GPC5: variants seen among roughly 807,000 people sequenced by gnomAD.
GPC5 encodes the protein glypican-5.
A neutral mutation model predicts 53.9 loss-of-function variants in GPC5; 47 were observed. The ratio of observed to expected loss-of-function variants is 0.87; its 90% confidence interval spans 0.69 to 1.11. The LOEUF is 1.11. Among genes scored for constraint, GPC5 ranks in the 50% most tolerant of loss-of-function variants. The pLI is 0.00. For synonymous variants in GPC5, 286 were observed against 263.3 expected (o/e 1.09, Z -0.84); for missense variants, 748 against 713.1 (o/e 1.05, Z -0.56).
At chr13:92,190,526 T>C (rs1325440062) in intron 7 of GPC5, among the ~76,000 whole-genome samples, 2 of 152,152 alleles carry the variant, frequency 1.3e-5, no homozygotes, top group African/African-American at 4.8e-5. Context: ...TATATATGCA[T>C]ATGTATGCTT....
intron 2 of GPC5, among the ~76,000 whole-genome samples, chr13:91,533,628 A>C (rs1886453519): frequency 6.6e-6 from 1 of 152,210 alleles, no homozygotes; most frequent in Admixed American, 6.5e-5. Flanking sequence ...GAACTTACAG[A>C]GGAGTCTGGG....
intron 6 of GPC5, among the ~76,000 whole-genome samples, chr13:92,079,641 G>A (rs2138878419): frequency 6.6e-6 from 1 of 152,282 alleles, no homozygotes; most frequent in Middle Eastern, 3.4e-3. Context: ...TGCACCTGTG[G>A]TGTTCTGGCT....
At chr13:91,861,177 T>C (rs2039023773) in intron 5 of GPC5, among the ~76,000 whole-genome samples, 1 of 152,198 alleles carries the variant, frequency 6.6e-6, no homozygotes, top group Non-Finnish European at 1.5e-5. Context: ...AAGAAAACAA[T>C]GTAAATTTAG....
chr13:91,452,259 T>C (rs554289127), intron 2 of GPC5, among the ~76,000 whole-genome samples: 1 of 151,990 alleles, frequency 6.6e-6, no homozygotes, highest in East Asian at 2.0e-4. Flanking sequence ...GCTGGGATTA[T>C]AGGCATAAGC....
intron 5 of GPC5, among the ~76,000 whole-genome samples, chr13:91,848,968 A>C (rs1332516417): frequency 6.6e-6 from 1 of 152,190 alleles, no homozygotes; most frequent in Non-Finnish European, 1.5e-5. Context: ...TATTATCTTG[A>C]ATCCCAGAAT....
chr13:92,435,490 T>C (rs1877267118), intron 7 of GPC5, among the ~76,000 whole-genome samples: 1 of 152,188 alleles, frequency 6.6e-6, no homozygotes. Context: ...CATTCTATTT[T>C]GGGCAAGAAG....
chr13:91,958,558 C>T (rs2040095821), intron 6 of GPC5, among the ~76,000 whole-genome samples: 1 of 152,022 alleles, frequency 6.6e-6, no homozygotes, highest in African/African-American at 2.4e-5. Flanking sequence ...TTTCATTGAA[C>T]AGCTACAGAA....
chr13:92,416,194 A>G (rs1876281919), intron 7 of GPC5, among the ~76,000 whole-genome samples: 1 of 152,148 alleles, frequency 6.6e-6, no homozygotes, highest in African/African-American at 2.4e-5. Context: ...AAAAATTTAG[A>G]TTGACATTTG....
chr13:91,552,965 T>C (rs1334066549), intron 2 of GPC5, among the ~76,000 whole-genome samples: 2 of 152,138 alleles, frequency 1.3e-5, no homozygotes, highest in African/African-American at 2.4e-5. Flanking sequence ...AGTTGAGGCA[T>C]GGTATTAAAT....
At chr13:92,138,978 A>G (rs890007088) in intron 6 of GPC5, among the ~76,000 whole-genome samples, 12 of 152,166 alleles carry the variant, frequency 7.9e-5, no homozygotes, top group Non-Finnish European at 1.8e-4. Context: ...TATATTCCAG[A>G]TTTATAATGA....
intron 2 of GPC5, among the ~76,000 whole-genome samples, chr13:91,676,205 G>C (rs2035379668): frequency 6.6e-6 from 1 of 152,046 alleles, no homozygotes; most frequent in Non-Finnish European, 1.5e-5. Flanking sequence ...CAAGTAGCTG[G>C]GATTACAGGT....
At chr13:92,512,457 A>T (rs534417914) in intron 7 of GPC5, among the ~76,000 whole-genome samples, 1 of 152,164 alleles carries the variant, frequency 6.6e-6, no homozygotes, top group Non-Finnish European at 1.5e-5. Context: ...AATACATAAA[A>T]TATATCTTAC....
intron 2 of GPC5, among the ~76,000 whole-genome samples, chr13:91,691,792 G>T (rs2035763068): frequency 6.6e-6 from 1 of 152,006 alleles, no homozygotes; most frequent in African/African-American, 2.4e-5. Flanking sequence ...ATTCCATTTT[G>T]TTTTTTCCTA....
chr13:91,969,581 G>A lies in GPC5; in HGVS notation c.1401+61524G>A, dbSNP rs549333565. Reference sequence around the variant, plus strand: ...AGAGAATAATCAACAAAATGAAAGGGCAACCTATGGAAGGGGAGAAAACAT... The same window carrying A: ...AGAGAATAATCAACAAAATGAAAGGACAACCTATGGAAGGGGAGAAAACAT... On this transcript the variant is annotated intron_variant, in intron 6 of 7. Coordinates refer to ENST00000377067, the MANE Select transcript of GPC5 (RefSeq NM_004466.6). 2.4e-3 allele frequency among the ~76,000 whole-genome samples: 372 copies of A among 152,158 alleles called. 2 individuals carry two copies. Among genetic ancestry groups the A allele is most frequent in the African/African-American group, 8.7e-3 (363 of 41,504 alleles).
At chr13:92,264,746 T>A (rs531292035) in intron 7 of GPC5, among the ~76,000 whole-genome samples, 7 of 152,146 alleles carry the variant, frequency 4.6e-5, no homozygotes, top group Non-Finnish European at 7.4e-5. Flanking sequence ...TCCCATCTTT[T>A]GTTACTAATT....
At chr13:91,459,023 C>T (rs922885799) in intron 2 of GPC5, among the ~76,000 whole-genome samples, 4 of 151,522 alleles carry the variant, frequency 2.6e-5, no homozygotes, top group Non-Finnish European at 4.4e-5. Flanking sequence ...GATGCAAAGA[C>T]ATAAGAATGA....
At chr13:91,629,328 A>T (rs149608252) in intron 2 of GPC5, among the ~76,000 whole-genome samples, 1 of 152,150 alleles carries the variant, frequency 6.6e-6, no homozygotes, top group South Asian at 2.1e-4. Flanking sequence ...TCTGAAATGC[A>T]TAGAAAGAAT....
At chr13:92,304,447 G>A (rs891780304) in intron 7 of GPC5, among the ~76,000 whole-genome samples, 11 of 151,886 alleles carry the variant, frequency 7.2e-5, no homozygotes, top group African/African-American at 2.2e-4. Context: ...CTTGTGATCC[G>A]CCTGCCTCGG....
intron 7 of GPC5, among the ~76,000 whole-genome samples, chr13:92,551,724 G>A (rs546697624): frequency 6.6e-6 from 1 of 151,900 alleles, no homozygotes; most frequent in African/African-American, 2.4e-5. Context: ...GGAGGTAGGA[G>A]GTGTAAGAAG....
Sources: allele counts gnomAD v4.1 joint callset (sites outside exome capture counted in the v4.1 genomes callset), GRCh38; gene constraint gnomAD v4.1.1; transcripts MANE v1.5; gene names NCBI Gene and HGNC (gene_info 2026-07-23, HGNC 2026-07-21).